WDR72: variants seen among roughly 807,000 people sequenced by gnomAD.
The protein encoded by WDR72 is WD repeat domain 72, also known as WD repeat-containing protein 72.
In WDR72, 120 loss-of-function variants were observed where a neutral mutation model predicts 124.2. The ratio of observed to expected loss-of-function variants is 0.97; its 90% CI spans 0.83 to 1.12. The LOEUF (loss-of-function observed/expected upper bound fraction) is 1.12. Among genes scored for constraint, WDR72 ranks in the 50% most tolerant of loss-of-function variants. WDR72 has a pLI of 0.00. For synonymous variants in WDR72, 452 were observed against 441.7 expected, an observed-to-expected ratio of 1.02 and a Z score of -0.29; for missense variants, 1,387 against 1,278.8, an observed-to-expected ratio of 1.08 and a Z score of -1.29.
intron 1 of WDR72, among the ~76,000 whole-genome samples, chr15:53,749,589 C>A (rs1197494277): frequency 6.6e-6 from 1 of 152,100 alleles, no homozygotes; most frequent in Non-Finnish European, 1.5e-5. Flanking sequence ...TTGCACTTTT[C>A]TCACCTTAAA....
chr15:53,730,166 C>T (rs1013968232), intron 2 of WDR72, among the ~76,000 whole-genome samples: 1 of 152,054 alleles, frequency 6.6e-6, no homozygotes, highest in Non-Finnish European at 1.5e-5. Flanking sequence ...TATATATATA[C>T]AGTGGAATAT....
rs1358090300 is a variant in WDR72, at chr15:53,514,678, G to C, written c.*3021C>G. Reference sequence around the variant, plus strand: ...TTTCTAAAATAGTAACAGAATGTTTGATACCTGGGGCTACTTTTTAACTGT... The same window carrying C: ...TTTCTAAAATAGTAACAGAATGTTTCATACCTGGGGCTACTTTTTAACTGT... On this transcript the variant is annotated 3_prime_UTR_variant, in exon 20 of 20. Transcript: ENST00000360509. 3 of 152,042 alleles carry C rather than the reference G, an allele frequency of 2.0e-5. No individual in the cohort carries two copies. Among genetic ancestry groups the C allele is most frequent in the Admixed American group, 6.6e-5 (1 of 15,250 alleles). 9.4% of individuals were successfully genotyped at this position (152,042 alleles called of 1,614,324 possible).
chr15:53,662,261 A>G (rs1017753002), intron 14 of WDR72, among the ~76,000 whole-genome samples: 1 of 152,156 alleles, frequency 6.6e-6, no homozygotes, highest in African/African-American at 2.4e-5. Context: ...CCTATACCAG[A>G]GATATTGTTT....
At chr15:53,683,222 C>T (rs1410069464) in intron 13 of WDR72, among the ~76,000 whole-genome samples, 2 of 152,042 alleles carry the variant, frequency 1.3e-5, no homozygotes, top group Non-Finnish European at 2.9e-5. Context: ...AGAGCCAAAC[C>T]CTATCAGGGT....
In WDR72 at chr15:53,514,274, T is replaced by C. The variant is rs994971886; in HGVS notation, c.*3425A>G. The C allele has an allele frequency of 1.3e-5, 2 of 152,192 alleles. No homozygotes were observed. The highest frequency in any genetic ancestry group is 4.8e-5 in the African/African-American group (2 of 41,450). 9.4% of individuals were successfully genotyped at this position (152,192 alleles called of 1,614,324 possible). On this transcript the variant is annotated 3_prime_UTR_variant, in exon 20 of 20. Coordinates refer to ENST00000360509, the MANE Select transcript of WDR72 (RefSeq NM_182758.4). ...AAAGGAGTCTATAACACCGCTTTTA[T>C]ATAACTGAGCAATCAAAATGTATGA...
chr15:53,640,872 C>T (rs1555417490), intron 14 of WDR72, among the ~76,000 whole-genome samples: 1 of 151,656 alleles, frequency 6.6e-6, no homozygotes, highest in Non-Finnish European at 1.5e-5. Flanking sequence ...ATTTGTGAGT[C>T]CCTTTATATA....
chr15:53,761,633 C>G (rs896992815), upstream of WDR72, among the ~76,000 whole-genome samples: 2 of 152,084 alleles, frequency 1.3e-5, no homozygotes, highest in African/African-American at 4.8e-5. Flanking sequence ...TGAGACCAGC[C>G]TGGACAATAG....
At chr15:53,721,481 G>A (rs2017874847) in intron 3 of WDR72, among the ~76,000 whole-genome samples, 1 of 152,156 alleles carries the variant, frequency 6.6e-6, no homozygotes, top group Non-Finnish European at 1.5e-5. Context: ...CAGCCCTGGT[G>A]AATGAAAGCT....
chr15:53,688,198 G>T (rs2016709748), intron 13 of WDR72, among the ~76,000 whole-genome samples: 1 of 150,720 alleles, frequency 6.6e-6, no homozygotes, highest in Non-Finnish European at 1.5e-5. Context: ...ACATAGTGTT[G>T]GAAGTTCTGG....
At chr15:53,532,734 TAAC>T (rs1408367464) in intron 18 of WDR72, among the ~76,000 whole-genome samples, 1 of 152,100 alleles carries the variant, frequency 6.6e-6, no homozygotes, top group East Asian at 1.9e-4. Context: ...AGACTATAGT[TAAC>T]AATAACTTAT....
rs5812689 is a variant in WDR72 at position 53,515,106 on chromosome 15, C to CACACAAAA, written c.*2592_*2593insTTTTGTGT. 1 of 134,094 alleles carries CACACAAAA rather than the reference C, an allele frequency of 7.5e-6. No individual in the cohort carries two copies. 8.3% of individuals were successfully genotyped at this position (134,094 alleles called of 1,614,324 possible). ...ATGTATACACACACACACACACACA[C>CACACAAAA]AAATACATTCATAAATATCACCAAG... On this transcript the variant is annotated 3_prime_UTR_variant, in exon 20 of 20. Coordinates refer to ENST00000360509, the MANE Select transcript of WDR72 (RefSeq NM_182758.4).
chr15:53,514,141 T>G lies in WDR72; in HGVS notation c.*3558A>C, dbSNP rs1027670474. The G allele has an allele frequency of 1.3e-4, 20 of 152,184 alleles. No individual in the cohort carries two copies. Among genetic ancestry groups the G allele is most frequent in the African/African-American group, 4.8e-4 (20 of 41,458 alleles). 9.4% of individuals were successfully genotyped at this position (152,184 alleles called of 1,614,324 possible). ...TTTGGTTAAGCTAATTTTTTAAAAT[T>G]ACAAAAAACACTAAGTATTATGCAA... On this transcript the variant is annotated 3_prime_UTR_variant, in exon 20 of 20. Transcript: ENST00000360509.
At chr15:53,537,138 G>C (rs1285659832) in intron 18 of WDR72, among the ~76,000 whole-genome samples, 1 of 152,116 alleles carries the variant, frequency 6.6e-6, no homozygotes, top group Non-Finnish European at 1.5e-5. Context: ...CTATATTGGT[G>C]TGCTTAATTT....
chr15:53,710,881 G>T lies in WDR72; in HGVS notation c.930C>A (p.Cys310Ter). The change falls in exon 9 of 20, where the codon TGC (cysteine) becomes TGA (stop). Residue 310 changes from cysteine (C) to a stop codon, truncating the protein, a stop_gained. Coordinates refer to ENST00000360509, the MANE Select transcript of WDR72 (RefSeq NM_182758.4). LOFTEE classifies it high-confidence loss of function. Reference protein sequence around the residue: ...LKETIYPHLLCSTSVQENKEQ... With the variant: ...LKETIYPHLL ...CCTTATTTTCCTGCACAGAAGTAGA[G>T]CACAGTAAATGAGGATAAATGGTCT... 1 of 1,613,566 alleles carries T rather than the reference G, an allele frequency of 6.2e-7. No homozygotes were observed. The highest frequency in any genetic ancestry group is 8.5e-7 in the Non-Finnish European group (1 of 1,179,576).
At chr15:53,653,814 G>C (rs905323861) in intron 14 of WDR72, among the ~76,000 whole-genome samples, 19 of 152,052 alleles carry the variant, frequency 1.2e-4, no homozygotes, top group African/African-American at 4.6e-4. Flanking sequence ...CATGATAAGT[G>C]TCAAAATCAA....
intron 18 of WDR72, among the ~76,000 whole-genome samples, chr15:53,578,170 T>C (rs1459322058): frequency 6.6e-6 from 1 of 152,114 alleles, no homozygotes. Flanking sequence ...ACTGGAGATA[T>C]AATAGTGAGC....
At chr15:53,744,727 T>C (rs1295881010) in intron 1 of WDR72, among the ~76,000 whole-genome samples, 1 of 152,184 alleles carries the variant, frequency 6.6e-6, no homozygotes, top group Non-Finnish European at 1.5e-5. Flanking sequence ...ATATTTCTTA[T>C]ATGATGTGTT....
intron 18 of WDR72, among the ~76,000 whole-genome samples, chr15:53,594,121 T>C (rs1442011130): frequency 6.6e-6 from 1 of 152,036 alleles, no homozygotes; most frequent in African/African-American, 2.4e-5. Context: ...CATTGGAATA[T>C]ATTAAAAACT....
At chr15:53,712,664 C>A (rs2017578777) in intron 7 of WDR72, 108 bp downstream of exon 7, 1 of 1,141,626 alleles carries the variant, frequency 8.8e-7, no homozygotes, top group East Asian at 2.6e-5. Context: ...TCTGGTAATA[C>A]TATTACAGAG....
Sources: gnomAD v4.1 joint callset for allele counts (sites outside exome capture counted in the v4.1 genomes callset) on GRCh38, gnomAD v4.1.1 for gene constraint, MANE v1.5 for transcripts, NCBI Gene and HGNC (gene_info 2026-07-23, HGNC 2026-07-21) for gene names.